The following WWOX variants were observed in gnomAD, a reference collection of about 807,000 sequenced individuals.
WWOX encodes the protein WW domain containing oxidoreductase, also known as WW domain-containing oxidoreductase.
WWOX carries 69 observed loss-of-function variants against 46.2 expected under a neutral mutation model. The ratio of observed to expected loss-of-function variants is 1.49; its 90% CI spans 1.23 to 1.82. The LOEUF (loss-of-function observed/expected upper bound fraction) is 1.82. WWOX is among the 40% of genes most tolerant of loss of function. WWOX has a pLI of 0.00. For missense variants in WWOX, 919 were observed against 542.6 expected, an observed-to-expected ratio of 1.69 and a Z score of -6.89; for synonymous variants, 359 against 202.6, an observed-to-expected ratio of 1.77 and a Z score of -6.56.
intron 8 of WWOX, among the ~76,000 whole-genome samples, chr16:78,836,972 C>T (rs1174270929): frequency 1.3e-5 from 2 of 152,010 alleles, no homozygotes; most frequent in East Asian, 1.9e-4. Flanking sequence ...AAGAGAGAAA[C>T]AGGGAGAGTG....
chr16:79,136,092 C>T (rs2049976788), intron 8 of WWOX, among the ~76,000 whole-genome samples: 1 of 152,198 alleles, frequency 6.6e-6, no homozygotes, highest in African/African-American at 2.4e-5. Flanking sequence ...TGGCAGAATA[C>T]CATTTAAGTC....
chr16:78,680,585 C>T (rs2047706391), intron 8 of WWOX, among the ~76,000 whole-genome samples: 2 of 152,088 alleles, frequency 1.3e-5, no homozygotes, highest in Admixed American at 1.3e-4. Flanking sequence ...TGAAGGTAGC[C>T]AGTGGACACG....
intron 8 of WWOX, among the ~76,000 whole-genome samples, chr16:78,995,598 A>G (rs920564916): frequency 3.3e-5 from 5 of 152,142 alleles, no homozygotes; most frequent in Non-Finnish European, 7.3e-5. Flanking sequence ...AAAGAGAGAA[A>G]GAGAAAAAAC....
At chr16:78,478,695 C>T (rs1052744896) in intron 8 of WWOX, among the ~76,000 whole-genome samples, 5 of 152,206 alleles carry the variant, frequency 3.3e-5, no homozygotes, top group Non-Finnish European at 7.3e-5. Flanking sequence ...AGTTTTAATG[C>T]AGGCTCCAAA....
chr16:78,196,997 A>G (rs907353970), intron 5 of WWOX, among the ~76,000 whole-genome samples: 1 of 152,214 alleles, frequency 6.6e-6, no homozygotes, highest in Non-Finnish European at 1.5e-5. Context: ...CTTGTCTAAT[A>G]TATAATTTCA....
chr16:78,738,187 G>T (rs1002778652), intron 8 of WWOX, among the ~76,000 whole-genome samples: 1 of 152,108 alleles, frequency 6.6e-6, no homozygotes, highest in South Asian at 2.1e-4. Context: ...AGTTCAGAAG[G>T]TTGTTACTGA....
chr16:78,920,930 T>C (rs577454813), intron 8 of WWOX, among the ~76,000 whole-genome samples: 7 of 152,232 alleles, frequency 4.6e-5, no homozygotes, highest in Non-Finnish European at 8.8e-5. Context: ...CTGCTCTCAC[T>C]GTCCACACAT....
At chr16:79,159,628 C>G (rs1484937225) in intron 8 of WWOX, among the ~76,000 whole-genome samples, 1 of 152,232 alleles carries the variant, frequency 6.6e-6, no homozygotes, top group Non-Finnish European at 1.5e-5. Context: ...CAGAGATTGT[C>G]TCTCCCCGTG....
chr16:78,397,906 G>A (rs1402982368), intron 6 of WWOX, among the ~76,000 whole-genome samples: 1 of 152,194 alleles, frequency 6.6e-6, no homozygotes, highest in Non-Finnish European at 1.5e-5. Context: ...AGAGATTCTC[G>A]TCCGCTCAGT....
chr16:78,600,913 A>G (rs1435015158), intron 8 of WWOX, among the ~76,000 whole-genome samples: 1 of 152,152 alleles, frequency 6.6e-6, no homozygotes, highest in Non-Finnish European at 1.5e-5. Context: ...TGGCCATCTC[A>G]GTCTCTGCAG....
intron 8 of WWOX, among the ~76,000 whole-genome samples, chr16:79,149,217 A>T (rs1269298626): frequency 6.6e-6 from 1 of 152,190 alleles, no homozygotes; most frequent in Non-Finnish European, 1.5e-5. Flanking sequence ...CTCAATTCCT[A>T]AATTACTAAG....
chr16:78,414,311 C>G (rs942396528), intron 6 of WWOX, among the ~76,000 whole-genome samples: 4 of 152,164 alleles, frequency 2.6e-5, no homozygotes, highest in Non-Finnish European at 5.9e-5. Flanking sequence ...GTTTGGTGGT[C>G]TCTTCACATG....
intron 8 of WWOX, among the ~76,000 whole-genome samples, chr16:78,725,159 C>T (rs1411783995): frequency 6.6e-6 from 1 of 151,954 alleles, no homozygotes; most frequent in Non-Finnish European, 1.5e-5. Context: ...AAGGGGGAAA[C>T]ACCTTTCACT....
chr16:78,875,753 GC>G (rs1307772375), intron 8 of WWOX, among the ~76,000 whole-genome samples: 1 of 152,148 alleles, frequency 6.6e-6, no homozygotes, highest in Non-Finnish European at 1.5e-5. Context: ...CTTTCAACTG[GC>G]CTGTCAGTGT....
intron 8 of WWOX, among the ~76,000 whole-genome samples, chr16:78,866,398 A>G (rs534955176): frequency 6.6e-5 from 10 of 151,958 alleles, no homozygotes; most frequent in Admixed American, 2.0e-4. Flanking sequence ...AGCTGTAGCA[A>G]GGGAAGAAAT....
chr16:79,202,417 T>C (rs574240172), intron 8 of WWOX, among the ~76,000 whole-genome samples: 47 of 152,294 alleles, frequency 3.1e-4, no homozygotes, highest in African/African-American at 7.9e-4. Flanking sequence ...CGAGATTCTT[T>C]TGCTAGAAAG....
chr16:79,145,606 A>G (rs539414635), intron 8 of WWOX, among the ~76,000 whole-genome samples: 2 of 152,324 alleles, frequency 1.3e-5, no homozygotes, highest in Admixed American at 6.5e-5. Context: ...TTATTTTAGA[A>G]GTTTTAACAA....
intron 8 of WWOX, among the ~76,000 whole-genome samples, chr16:78,803,850 A>G (rs149449265): frequency 6.6e-6 from 1 of 152,176 alleles, no homozygotes; most frequent in East Asian, 1.9e-4. Flanking sequence ...TAAAATAGTC[A>G]GAGCTCAAAA....
intron 8 of WWOX, among the ~76,000 whole-genome samples, chr16:78,446,340 C>T (rs1184910532): frequency 6.6e-6 from 1 of 152,166 alleles, no homozygotes; most frequent in Non-Finnish European, 1.5e-5. Context: ...TTGCCACTTA[C>T]TTTCTCCATG....
Sources: gnomAD v4.1 joint callset for allele counts (sites outside exome capture counted in the v4.1 genomes callset) on GRCh38, gnomAD v4.1.1 for gene constraint, MANE v1.5 for transcripts, NCBI Gene and HGNC (gene_info 2026-07-23, HGNC 2026-07-21) for gene names.